Variants in GALNT17 observed in about 807,000 individuals in gnomAD.
GALNT17 encodes the protein polypeptide N-acetylgalactosaminyltransferase 17.
GALNT17 carries 29 observed loss-of-function variants against 63.7 expected under a neutral mutation model. The observed-to-expected ratio is 0.46, with a 90% CI of 0.34 to 0.62. The LOEUF is 0.62. GALNT17 is among the 20% of genes least tolerant of loss of function. The probability of loss-of-function intolerance (pLI) is 0.01; values close to 1 mark genes in which losing one functional copy is unlikely to be tolerated. For missense variants in GALNT17, 603 were observed against 799.6 expected (o/e 0.75, Z 2.97); for synonymous variants, 305 against 318.3 (o/e 0.96, Z 0.45).
chr7:71,256,002 T>C (rs1374352828), intron 1 of GALNT17, among the ~76,000 whole-genome samples: 1 of 152,178 alleles, frequency 6.6e-6, no homozygotes, highest in Non-Finnish European at 1.5e-5. Flanking sequence ...GCAGACTCTT[T>C]AATTCTGAAA....
intron 5 of GALNT17, among the ~76,000 whole-genome samples, chr7:71,447,784 T>C (rs6460655): frequency 0.43 from 64,911 of 151,992 alleles, 15,755 homozygotes; most frequent in African/African-American, 0.65. Flanking sequence ...TTCTATATAC[T>C]GTTAACTAAT....
intron 9 of GALNT17, among the ~76,000 whole-genome samples, chr7:71,698,688 G>A (rs1449922139): frequency 6.6e-6 from 1 of 152,060 alleles, no homozygotes; most frequent in East Asian, 1.9e-4. Context: ...AAGGCAAGTA[G>A]AGGAGAAAGA....
rs752778607 is a variant in GALNT17 at position 71,526,026 on chromosome 7, C to A, written c.963-45259C>A. On this transcript the variant is annotated intron_variant, in intron 5 of 10. Transcript: ENST00000333538. ...AAGTGCTGGGATTACAGGTGCCAGC[C>A]ACCACGCCCGGCCTCGAGTATGTCG... 8.5e-5 allele frequency among the ~76,000 whole-genome samples: 13 copies of A among 152,202 alleles called. No individual in the cohort carries two copies. The East Asian group carries it at 2.3e-3, about 27-fold the overall frequency.
intron 1 of GALNT17, among the ~76,000 whole-genome samples, chr7:71,253,696 T>C (rs1790241523): frequency 6.6e-6 from 1 of 152,140 alleles, no homozygotes; most frequent in Non-Finnish European, 1.5e-5. Context: ...TAACTGAGAC[T>C]CGAGTCAGTC....
intron 2 of GALNT17, among the ~76,000 whole-genome samples, chr7:71,358,076 C>T (rs1302100370): frequency 2.6e-5 from 4 of 152,208 alleles, no homozygotes; most frequent in African/African-American, 9.6e-5. Flanking sequence ...TTCTTTGGCT[C>T]TTCACAATAA....
At chr7:71,207,571 T>G (rs1039592733) in intron 1 of GALNT17, among the ~76,000 whole-genome samples, 1 of 151,580 alleles carries the variant, frequency 6.6e-6, no homozygotes, top group Non-Finnish European at 1.5e-5. Flanking sequence ...TCGGGTGGGT[T>G]GGGGTAGGGA....
chr7:71,295,066 C>T (rs1244491916), intron 1 of GALNT17, among the ~76,000 whole-genome samples: 1 of 152,156 alleles, frequency 6.6e-6, no homozygotes, highest in Non-Finnish European at 1.5e-5. Context: ...ACTCAGTGTT[C>T]TTAACCTCCC....
intron 1 of GALNT17, among the ~76,000 whole-genome samples, chr7:71,254,546 G>T (rs758520547): frequency 2.0e-5 from 3 of 152,136 alleles, no homozygotes; most frequent in Non-Finnish European, 4.4e-5. Context: ...TCAGTCTTCA[G>T]ATCTCTGTTT....
chr7:71,397,076 T>C (rs1793151417), intron 3 of GALNT17, among the ~76,000 whole-genome samples: 1 of 152,170 alleles, frequency 6.6e-6, no homozygotes, highest in Non-Finnish European at 1.5e-5. Context: ...TAATTTTACT[T>C]ATTACTTTCC....
At chr7:71,237,155 G>A (rs577288762) in intron 1 of GALNT17, among the ~76,000 whole-genome samples, 3 of 152,290 alleles carry the variant, frequency 2.0e-5, no homozygotes, top group African/African-American at 7.2e-5. Context: ...TAGGCAGATC[G>A]CCTCCTTCTT....
chr7:71,371,935 G>A (rs1474564499), intron 2 of GALNT17, among the ~76,000 whole-genome samples: 1 of 152,102 alleles, frequency 6.6e-6, no homozygotes, highest in Non-Finnish European at 1.5e-5. Context: ...TTGCCAGTTG[G>A]CTTGTTCTGG....
intron 5 of GALNT17, among the ~76,000 whole-genome samples, chr7:71,554,129 T>C (rs897996924): frequency 2.0e-5 from 3 of 152,220 alleles, no homozygotes; most frequent in African/African-American, 7.2e-5. Context: ...TGAACCAACC[T>C]GTCTAGTTCT....
At chr7:71,468,884 C>G (rs1258352835) in intron 5 of GALNT17, among the ~76,000 whole-genome samples, 1 of 152,120 alleles carries the variant, frequency 6.6e-6, no homozygotes, top group East Asian at 1.9e-4. Context: ...TTGTTAAACT[C>G]TTATTATTTG....
rs1164304386 is a variant in GALNT17, at chr7:71,707,611, C to T, written c.1501-3150C>T. Among the ~76,000 whole-genome samples, 7 of 152,320 alleles carry T rather than the reference C, an allele frequency of 4.6e-5. No individual in the cohort carries two copies. The East Asian group carries it at 1.4e-3, about 29-fold the overall frequency. On this transcript the variant is annotated intron_variant, in intron 9 of 10. Transcript: ENST00000333538. Reference sequence around the variant, plus strand: ...GTTCTCTGATCTGGACTAGGCTTGGCTGATCTAGGCTGGACTCATTCGTGC... The same window carrying T: ...GTTCTCTGATCTGGACTAGGCTTGGTTGATCTAGGCTGGACTCATTCGTGC...
intron 9 of GALNT17, among the ~76,000 whole-genome samples, chr7:71,682,944 C>T (rs1562735416): frequency 6.6e-6 from 1 of 152,096 alleles, no homozygotes; most frequent in Non-Finnish European, 1.5e-5. Context: ...AGGAGGCAGA[C>T]ATCAAGTCTC....
chr7:71,542,335 T>C (rs1317624421), intron 5 of GALNT17, among the ~76,000 whole-genome samples: 1 of 151,886 alleles, frequency 6.6e-6, no homozygotes, highest in Non-Finnish European at 1.5e-5. Context: ...TTTATTGGAA[T>C]TTAAAAAAAA....
At chr7:71,492,722 G>A (rs983017739) in intron 5 of GALNT17, among the ~76,000 whole-genome samples, 40 of 152,320 alleles carry the variant, frequency 2.6e-4, no homozygotes, top group South Asian at 2.1e-3. Flanking sequence ...GTACACTTTC[G>A]TAGAACCGTT....
intron 1 of GALNT17, among the ~76,000 whole-genome samples, chr7:71,139,308 C>T (rs1787842441): frequency 6.6e-6 from 1 of 152,122 alleles, no homozygotes; most frequent in Admixed American, 6.5e-5. Context: ...CTTAGAGACA[C>T]CCTCTCCTCT....
At chr7:71,353,132 A>G (rs117504799) in intron 2 of GALNT17, among the ~76,000 whole-genome samples, 2 of 152,136 alleles carry the variant, frequency 1.3e-5, no homozygotes, top group African/African-American at 2.4e-5. Flanking sequence ...ATTGTTCCTT[A>G]TAAAATTCCC....
Sources: allele counts gnomAD v4.1 joint callset (sites outside exome capture counted in the v4.1 genomes callset), GRCh38; gene constraint gnomAD v4.1.1; transcripts MANE v1.5; gene names NCBI Gene and HGNC (gene_info 2026-07-23, HGNC 2026-07-21).